The following PIP5K1B variants were observed in gnomAD, a reference collection of about 807,000 sequenced individuals.
The protein encoded by PIP5K1B is phosphatidylinositol-4-phosphate 5-kinase type 1 beta, also known as phosphatidylinositol 4-phosphate 5-kinase type-1 beta.
A neutral mutation model predicts 67.0 loss-of-function variants in PIP5K1B; 42 were observed. That is an observed-to-expected ratio of 0.63 (90% CI 0.49 to 0.81). PIP5K1B has a LOEUF of 0.81. Ranked by LOEUF, PIP5K1B falls within the 30% of genes least tolerant of loss-of-function variation. PIP5K1B has a pLI of 0.00. For synonymous variants in PIP5K1B, 214 were observed against 231.4 expected (o/e 0.92, Z 0.68); for missense variants, 459 against 646.3 (o/e 0.71, Z 3.14).
At chr9:68,949,187 G>C (rs1436763150) in intron 14 of PIP5K1B, among the ~76,000 whole-genome samples, 1 of 152,040 alleles carries the variant, frequency 6.6e-6, no homozygotes, top group African/African-American at 2.4e-5. Context: ...TAAAACACTA[G>C]TGCTATGTCT....
chr9:68,824,435 C>A (rs1746009408), intron 4 of PIP5K1B: 1 of 275,522 alleles, frequency 3.6e-6, no homozygotes, highest in Non-Finnish European at 7.0e-6. Context: ...ATATTTAACT[C>A]AGCAATGTTT....
intron 6 of PIP5K1B, among the ~76,000 whole-genome samples, chr9:68,885,009 C>G (rs1273691273): frequency 6.6e-6 from 1 of 152,168 alleles, no homozygotes; most frequent in Non-Finnish European, 1.5e-5. Flanking sequence ...GTCTGCACTC[C>G]CATGTCCACT....
intron 4 of PIP5K1B, among the ~76,000 whole-genome samples, chr9:68,827,807 G>T (rs1335979216): frequency 6.6e-6 from 1 of 152,200 alleles, no homozygotes; most frequent in South Asian, 2.1e-4. Context: ...TTGTTTGTTT[G>T]TTGTTTAAAA....
In PIP5K1B at chr9:68,818,504, A is replaced by G. The variant is rs143310727; in HGVS notation, c.-42A>G. 1,065 of 152,780 alleles carry G rather than the reference A, an allele frequency of 7.0e-3. 3 individuals are homozygous for G. Among genetic ancestry groups the G allele is most frequent in the African/African-American group, 0.011 (473 of 41,592 alleles). The allele number at this position is 152,780 out of a possible 1,614,324, so 9.5% of individuals were successfully genotyped here. On this transcript the variant is annotated 5_prime_UTR_variant, in exon 3 of 16. Coordinates refer to ENST00000265382, the MANE Select transcript of PIP5K1B (RefSeq NM_003558.4). ...GGTCTCGACAATGAGTAGGCCACCCATCACTACTAACTACAGATGACTTGC... is the reference window on the plus strand; with the variant it reads ...GGTCTCGACAATGAGTAGGCCACCCGTCACTACTAACTACAGATGACTTGC...
chr9:68,835,753 A>C (rs975703374), intron 4 of PIP5K1B, among the ~76,000 whole-genome samples: 1 of 152,160 alleles, frequency 6.6e-6, no homozygotes, highest in East Asian at 1.9e-4. Flanking sequence ...TTGTTTCAAA[A>C]AGCAGTGGAA....
chr9:68,752,659 C>T (rs1016471363), intron 2 of PIP5K1B, among the ~76,000 whole-genome samples: 3 of 151,996 alleles, frequency 2.0e-5, no homozygotes, highest in African/African-American at 7.3e-5. Flanking sequence ...CATCTTTTGC[C>T]AGGAGTTACC....
Position 68,894,608 on chromosome 9 carries a change from G to A in PIP5K1B, c.741G>A (p.Ala247=), listed in dbSNP as rs1320111537. ...GLYFDTETYN[A]LMKTLQRDCR... is the part of the protein sequence containing the mutation. ...ATTTTGATACGGAAACATACAACGC[G>A]CTTATGAAAACACTTCAGAGAGACT... The change falls in exon 8 of 16, where the codon GCG becomes GCA. Residue 247 remains alanine (A), a synonymous_variant. Coordinates refer to ENST00000265382, the MANE Select transcript of PIP5K1B (RefSeq NM_003558.4). The A allele has an allele frequency of 4.3e-6, 7 of 1,613,946 alleles. No homozygotes were observed. The highest frequency in any genetic ancestry group is 2.2e-5 in the South Asian group (2 of 91,080).
intron 15 of PIP5K1B, among the ~76,000 whole-genome samples, chr9:69,001,454 C>T (rs756828726): frequency 2.0e-5 from 3 of 152,164 alleles, no homozygotes; most frequent in Non-Finnish European, 2.9e-5. Context: ...TCCATTTTCA[C>T]ACTGCTATAA....
At chr9:68,743,883 A>G (rs990546943) in intron 2 of PIP5K1B, among the ~76,000 whole-genome samples, 6 of 152,124 alleles carry the variant, frequency 3.9e-5, no homozygotes, top group Admixed American at 1.3e-4. Flanking sequence ...GGCCTTCTCA[A>G]CTGGGTGCCA....
At chr9:68,795,709 T>G (rs528614502) in intron 2 of PIP5K1B, among the ~76,000 whole-genome samples, 1 of 152,314 alleles carries the variant, frequency 6.6e-6, no homozygotes, top group South Asian at 2.1e-4. Flanking sequence ...GCAATTTTGA[T>G]GGTATATAGG....
intron 2 of PIP5K1B, among the ~76,000 whole-genome samples, chr9:68,757,534 C>A (rs754316894): frequency 6.6e-6 from 1 of 152,008 alleles, no homozygotes. Flanking sequence ...CTGAAAGAGT[C>A]GGTAGTGGAG....
chr9:68,886,456 T>C (rs551763035), intron 6 of PIP5K1B, among the ~76,000 whole-genome samples: 23 of 152,328 alleles, frequency 1.5e-4, no homozygotes, highest in African/African-American at 5.3e-4. Flanking sequence ...GTACCAACCA[T>C]GTATGTAGGC....
At chr9:68,793,035 A>T (rs1188317907) in intron 2 of PIP5K1B, among the ~76,000 whole-genome samples, 1 of 100,046 alleles carries the variant, frequency 1.0e-5, no homozygotes, top group Admixed American at 1.2e-4. Context: ...ACAAACATAA[A>T]AAATAAGTAA....
chr9:68,897,155 A>G (rs1825131775), intron 8 of PIP5K1B, among the ~76,000 whole-genome samples: 1 of 152,214 alleles, frequency 6.6e-6, no homozygotes, highest in Non-Finnish European at 1.5e-5. Flanking sequence ...GCCAGCACCT[A>G]TCAATCAGGA....
intron 4 of PIP5K1B, among the ~76,000 whole-genome samples, chr9:68,833,575 C>T (rs887258750): frequency 3.3e-5 from 5 of 151,856 alleles, no homozygotes; most frequent in Admixed American, 6.6e-5. Context: ...CCCCACCCCC[C>T]GACAACAAAT....
At chr9:68,765,850 G>T (rs192624126) in intron 2 of PIP5K1B, among the ~76,000 whole-genome samples, 67 of 152,284 alleles carry the variant, frequency 4.4e-4, no homozygotes, top group African/African-American at 1.3e-3. Context: ...AATTGATGTA[G>T]ACTTTCTCAA....
intron 2 of PIP5K1B, chr9:68,781,126 A>G: frequency 6.9e-7 from 1 of 1,450,986 alleles, no homozygotes; most frequent in Admixed American, 2.3e-5. Flanking sequence ...GCTATTTCCT[A>G]TTTGACCCCT....
chr9:68,910,533 A>G (rs1397841614), intron 8 of PIP5K1B, among the ~76,000 whole-genome samples: 2 of 152,234 alleles, frequency 1.3e-5, no homozygotes, highest in Non-Finnish European at 2.9e-5. Context: ...TGTGGAAAGC[A>G]GTATAACAAA....
chr9:68,896,804 G>A (rs1253896013), intron 8 of PIP5K1B, among the ~76,000 whole-genome samples: 1 of 152,110 alleles, frequency 6.6e-6, no homozygotes, highest in African/African-American at 2.4e-5. Flanking sequence ...TTTCTGGAAT[G>A]GTGAATATTA....
Sources: allele counts gnomAD v4.1 joint callset (sites outside exome capture counted in the v4.1 genomes callset), GRCh38; gene constraint gnomAD v4.1.1; transcripts MANE v1.5; gene names NCBI Gene and HGNC (gene_info 2026-07-23, HGNC 2026-07-21).